Variants in CP observed in about 807,000 individuals in gnomAD.
CP encodes caeruloplasmin.
CP carries 64 observed loss-of-function variants against 122.4 expected under a neutral mutation model. The ratio of observed to expected loss-of-function variants is 0.52; its 90% CI spans 0.43 to 0.64. The LOEUF (loss-of-function observed/expected upper bound fraction) is 0.64. CP is among the 30% of genes least tolerant of loss of function. CP has a pLI of 0.00. For synonymous variants in CP, 440 were observed against 436.4 expected (o/e 1.01, Z -0.10); for missense variants, 1,167 against 1,284.4 (o/e 0.91, Z 1.40).
At position 149,207,564 on chromosome 3, in the gene CP, C is replaced by G; in HGVS notation, c.835G>C (p.Asp279His). The G allele has an allele frequency of 6.2e-7, 1 of 1,613,982 alleles. No individual in the cohort carries two copies. The highest frequency in any genetic ancestry group is 8.5e-7 in the Non-Finnish European group (1 of 1,179,860). ...CCAAAAAGGTACCATTTTACTCTGT[C>G]TTCAGCACACATGGAGAGTCCTGGG... ...SLPGLSMCAE[D>H]RVKWYLFGMG... The change falls in exon 5 of 19, where the codon GAC becomes CAC. Residue 279 changes from aspartate to histidine, a missense_variant. Asp to His is a moderately conservative substitution (Grantham distance 81, BLOSUM62 -1). This residue lies in a region of CP where 642 missense variants were observed against 627.3 expected (regional missense o/e 1.02). Transcript: ENST00000264613.
intron 7 of CP, 151 bp from the exon 8 acceptor site, chr3:149,200,015 T>C: frequency 1.3e-6 from 1 of 761,890 alleles, no homozygotes. Flanking sequence ...TTTTGAGAAG[T>C]CCATAATCAA....
chr3:149,179,212 C>CT (rs1725625478), intron 15 of CP, among the ~76,000 whole-genome samples: 2 of 152,144 alleles, frequency 1.3e-5, no homozygotes, highest in Admixed American at 6.5e-5. Context: ...CCTCCAGTCT[C>CT]TTCCCCCTCC....
downstream of CP, chr3:149,172,317 A>ATC (rs1553756780): frequency 2.3e-4 from 150 of 640,752 alleles, 1 homozygote; most frequent in African/African-American, 5.6e-4. Flanking sequence ...TATTTTATAT[A>ATC]TCACACACAC....
chr3:149,177,937 A>G lies in CP; in HGVS notation c.2921T>C (p.Met974Thr). 1 of 1,613,536 alleles carries G rather than the reference A, an allele frequency of 6.2e-7. No individual in the cohort carries two copies. Among genetic ancestry groups the G allele is most frequent in the South Asian group, 1.1e-5 (1 of 91,070 alleles). Residue 974 changes from methionine (M) to threonine (T), a missense_variant, in exon 17 of 19, where the codon ATG (methionine) becomes ACG (threonine). Physicochemically the swap from Met to Thr is moderately conservative, Grantham distance 81. Coordinates refer to ENST00000264613, the MANE Select transcript of CP (RefSeq NM_000096.4). The part of the protein sequence containing the change: ...RMFGNLQGLT[M>T]HVGDEVNWYL... ...CCAGTTGACTTCATCTCCCACGTGC[A>G]TTGTGAGGCCTTGTAGGTTTCCAAA...
exon 6 of CP, chr3:149,162,450 C>T: frequency 7.1e-6 from 7 of 984,204 alleles, no homozygotes; most frequent in South Asian, 1.4e-5. Context: ...AACAGACATA[C>T]ATAATCAGTT....
downstream of CP, chr3:149,171,991 C>T (rs1725040392): frequency 9.0e-7 from 1 of 1,115,334 alleles, no homozygotes; most frequent in Admixed American, 1.8e-5. Flanking sequence ...AGGCGTGAGC[C>T]ACCACGCCTG....
chr3:149,191,564 A>G (rs910318442), intron 9 of CP, among the ~76,000 whole-genome samples: 36 of 139,950 alleles, frequency 2.6e-4, no homozygotes, highest in Non-Finnish European at 2.2e-4. Flanking sequence ...ATCAGACACA[A>G]ACAAGGCTAC....
At position 149,177,744 on chromosome 3, in the gene CP, G is replaced by C. The variant is rs17787768; in HGVS notation, c.3018+96C>G. 117,309 of 1,361,656 alleles carry C rather than the reference G, an allele frequency of 0.086. 6,293 individuals are homozygous for C. Among genetic ancestry groups the C allele is most frequent in the South Asian group, 0.2 (17,223 of 85,462 alleles). 84.3% of individuals were successfully genotyped at this position (1,361,656 alleles called of 1,614,324 possible). A position where few individuals can be genotyped will look rare whatever the true frequency, so the allele number is the denominator to read the frequency against. On this transcript the variant is annotated intron_variant, in intron 17 of 18. Coordinates refer to ENST00000264613, the MANE Select transcript of CP (RefSeq NM_000096.4). The stretch of plus-strand genomic sequence containing the variant: ...TGAAGCACCGGCTGTACTCTTTGCA[G>C]CTTTTTTTCATAAGTCTCTCTGAGA...
chr3:149,218,820 A>G (rs919809599), intron 1 of CP, among the ~76,000 whole-genome samples: 8 of 152,248 alleles, frequency 5.3e-5, no homozygotes, highest in Non-Finnish European at 1.0e-4. Flanking sequence ...CTCAATGCAT[A>G]TTTTCCTGTT....
At chr3:149,181,898 C>A in intron 14 of CP, 107 bp downstream of exon 14, 1 of 1,280,434 alleles carries the variant, frequency 7.8e-7, no homozygotes, top group Non-Finnish European at 1.1e-6. Context: ...TCACAACTAC[C>A]TCCCTTTTCA....
In CP at chr3:149,173,403, A is replaced by C. The variant is rs1239005693; in HGVS notation, c.*311T>G. The C allele has an allele frequency of 4.6e-6, 1 of 215,292 alleles. No individual in the cohort carries two copies. Among genetic ancestry groups the C allele is most frequent in the African/African-American group, 2.3e-5 (1 of 43,228 alleles). The allele number at this position is 215,292 out of a possible 1,614,324, so 13.3% of individuals were successfully genotyped here. A position where few individuals can be genotyped will look rare whatever the true frequency, so the allele number is the denominator to read the frequency against. ...GTTCCTTTGAGGAGCACCCAGGAGA[A>C]TATCTGGTCATAGATCTTTTTTTAA... On this transcript the variant is annotated 3_prime_UTR_variant, in exon 19 of 19. Coordinates refer to ENST00000264613, the MANE Select transcript of CP (RefSeq NM_000096.4).
At position 149,198,382 on chromosome 3, in the gene CP, A is replaced by G. The variant is rs1727043922; in HGVS notation, c.1698T>C (p.His566=). Residue 566 remains histidine, a synonymous_variant, in exon 9 of 19, where the codon CAT becomes CAC. Coordinates refer to ENST00000264613, the MANE Select transcript of CP (RefSeq NM_000096.4). Reference sequence around the variant, plus strand: ...TTGGACTTACCTGTCTCCCATTTGCATGTAAACTTCCTTTCTTGCATATTT... The same window carrying G: ...TTGGACTTACCTGTCTCCCATTTGCGTGTAAACTTCCTTTCTTGCATATTT... The part of the protein sequence containing the change: ...PMKICKKGSL[H]ANGRQKDVDK... The G allele has an allele frequency of 6.2e-7, 1 of 1,613,920 alleles. No individual in the cohort carries two copies. The highest frequency in any genetic ancestry group is 8.5e-7 in the Non-Finnish European group (1 of 1,179,796).
intron 6 of CP, among the ~76,000 whole-genome samples, chr3:149,202,737 A>T: frequency 6.7e-6 from 1 of 149,430 alleles, no homozygotes; most frequent in African/African-American, 2.5e-5. Flanking sequence ...CCTCCCGAGT[A>T]GCTGGGACTA....
At position 149,176,365 on chromosome 3, in the gene CP, T is replaced by C; in HGVS notation, c.3066A>G (p.Thr1022=). Reference sequence around the variant, plus strand: ...TTGGAAACATTTCTAGGGTTTGGTATGTTCCAGGGAAAATGTCAAAGACAT... The same window carrying C: ...TTGGAAACATTTCTAGGGTTTGGTACGTTCCAGGGAAAATGTCAAAGACAT... ...SSDVFDIFPG[T]YQTLEMFPRT... is the part of the protein sequence containing the mutation. Residue 1022 remains threonine, a synonymous_variant, in exon 18 of 19, where the codon ACA becomes ACG. Transcript: ENST00000264613. 1 of 1,613,362 alleles carries C rather than the reference T, an allele frequency of 6.2e-7. No individual in the cohort carries two copies. The highest frequency in any genetic ancestry group is 8.5e-7 in the Non-Finnish European group (1 of 1,179,356).
Position 149,221,754 on chromosome 3 carries a change from A to G in CP, c.39T>C (p.Cys13=), listed in dbSNP as rs551624643. Residue 13 remains cysteine (C), a synonymous_variant, in exon 1 of 19, where the codon TGT becomes TGC. Coordinates refer to ENST00000264613, the MANE Select transcript of CP (RefSeq NM_000096.4). ...ILILGIFLFL[C]STPAWAKEKH... ...TTTCTTTCGCCCAGGCTGGGGTACT[A>G]CATAAAAACAGAAAAATACCAAGTA... 1 of 1,613,782 alleles carries G rather than the reference A, an allele frequency of 6.2e-7. No individual in the cohort carries two copies. Among genetic ancestry groups the G allele is most frequent in the Admixed American group, 1.7e-5 (1 of 60,010 alleles).
At chr3:149,220,074 G>A (rs985387596) in intron 1 of CP, among the ~76,000 whole-genome samples, 2 of 152,158 alleles carry the variant, frequency 1.3e-5, no homozygotes, top group African/African-American at 2.4e-5. Context: ...TACTCATTGG[G>A]TAGCTTCCCT....
intron 7 of CP, among the ~76,000 whole-genome samples, chr3:149,200,837 A>G (rs1017815148): frequency 6.1e-4 from 93 of 152,204 alleles, no homozygotes; most frequent in African/African-American, 2.2e-3. Context: ...AAGGTCACAC[A>G]GCTAATGTAT....
rs1196513186 is a variant in CP, at chr3:149,197,072, T to C, written c.1713+1295A>G. 3.3e-5 allele frequency among the ~76,000 whole-genome samples: 5 copies of C among 152,170 alleles called. 1 individual carries two copies. Among genetic ancestry groups the C allele is most frequent in the Admixed American group, 1.3e-4 (2 of 15,284 alleles). Reference sequence around the variant, plus strand: ...GCACCTTGCGACCCCCACTCCTGCCTGCCAGAGAACAAACCCCCTTTGACT... The same window carrying C: ...GCACCTTGCGACCCCCACTCCTGCCCGCCAGAGAACAAACCCCCTTTGACT... On this transcript the variant is annotated intron_variant, in intron 9 of 18. Transcript: ENST00000264613.
At chr3:149,176,815 A>G in intron 17 of CP, 1 of 163,044 alleles carries the variant, frequency 6.1e-6, no homozygotes, top group Admixed American at 6.1e-5. Context: ...GTAAATAATA[A>G]AGGAAGCAGA....
Sources: allele counts gnomAD v4.1 joint callset (sites outside exome capture counted in the v4.1 genomes callset), GRCh38; gene constraint gnomAD v4.1.1; regional missense constraint gnomAD v4.1.1; transcripts MANE v1.5; gene names NCBI Gene and HGNC (gene_info 2026-07-23, HGNC 2026-07-21).